Variants in MMP26 observed in about 807,000 individuals in gnomAD.
The protein encoded by MMP26 is matrix metallopeptidase 26.
Under a neutral mutation model 31.0 loss-of-function variants are expected in MMP26, and 33 were observed. That is an observed-to-expected ratio of 1.06 (90% CI 0.81 to 1.42). The LOEUF (loss-of-function observed/expected upper bound fraction) is 1.42. MMP26 is among the 40% of genes most tolerant of loss of function. The pLI, the probability that MMP26 is intolerant of heterozygous loss-of-function variation, is 0.00. For synonymous variants in MMP26, 122 were observed against 114.9 expected, an observed-to-expected ratio of 1.06 and a Z score of -0.40; for missense variants, 347 against 316.1, an observed-to-expected ratio of 1.10 and a Z score of -0.74.
At chr11:4,772,415 C>CTTGTGGAGGG (rs753080417) in intron 2 of MMP26, among the ~76,000 whole-genome samples, 14,430 of 152,178 alleles carry the variant, frequency 0.095, 852 homozygotes, top group Middle Eastern at 0.15. Context: ...ACTTTACACC[C>CTTGTGGAGGG]AGTCTCTAGG....
intron 1 of MMP26, among the ~76,000 whole-genome samples, chr11:4,757,851 T>C (rs1272761755): frequency 6.8e-6 from 1 of 147,634 alleles, no homozygotes. Flanking sequence ...GGAAAAAAAA[T>C]ACCAAGTGTT....
chr11:4,762,642 A>G (rs891247287), intron 1 of MMP26, among the ~76,000 whole-genome samples: 5 of 152,180 alleles, frequency 3.3e-5, no homozygotes, highest in African/African-American at 1.2e-4. Flanking sequence ...AGAGGAAGTG[A>G]AATGTCTGGT....
At position 4,790,381 on chromosome 11, in the gene MMP26, A is replaced by G. The variant is rs927541859; in HGVS notation, c.-145+23040A>G. ...AACAAACAAAAAAAAGCAATTATTA[A>G]ATAGTTTCATTTCAGATTTTGAGGA... is the stretch of plus-strand genomic sequence containing the variant. On this transcript the variant is annotated intron_variant, in intron 2 of 7. Coordinates refer to ENST00000380390, the MANE Select transcript of MMP26 (RefSeq NM_021801.5). Among the ~76,000 whole-genome samples the G allele has an allele frequency of 2.0e-5, 3 of 152,122 alleles. No individual in the cohort carries two copies. The South Asian group carries it at 6.2e-4, about 32-fold the overall frequency.
In MMP26 at chr11:4,980,415, A is replaced by G. The variant is rs117766747; in HGVS notation, c.-144-7653A>G. On this transcript the variant is annotated intron_variant, in intron 2 of 7. Transcript: ENST00000380390. ...CATGTATGTTTTCTTTTGGGGTAAC[A>G]TTACATGAAGGTCTTTTATACAATG... is the stretch of plus-strand genomic sequence containing the variant. Among the ~76,000 whole-genome samples, 116 of 152,268 alleles carry G rather than the reference A, an allele frequency of 7.6e-4. 1 individual carries two copies. In the East Asian group the frequency reaches 0.019, roughly 25 times the overall value.
chr11:4,959,345 C>T (rs1424646905), intron 2 of MMP26, among the ~76,000 whole-genome samples: 1 of 151,796 alleles, frequency 6.6e-6, no homozygotes, highest in Non-Finnish European at 1.5e-5. Context: ...GCCATTATAT[C>T]CACAGTTGTT....
chr11:4,759,050 G>T (rs1187035809), intron 1 of MMP26, among the ~76,000 whole-genome samples: 1 of 139,992 alleles, frequency 7.1e-6, no homozygotes, highest in Non-Finnish European at 1.5e-5. Flanking sequence ...GGCAGAGATT[G>T]CACTGAGCCG....
chr11:4,762,007 C>T (rs1848574434), intron 1 of MMP26, among the ~76,000 whole-genome samples: 1 of 152,008 alleles, frequency 6.6e-6, no homozygotes. Flanking sequence ...AAAGACCTGG[C>T]TTTTCCTCAA....
intron 2 of MMP26, among the ~76,000 whole-genome samples, chr11:4,904,981 G>A (rs78035158): frequency 0.011 from 1,615 of 152,146 alleles, 28 homozygotes; most frequent in Middle Eastern, 0.044. Context: ...AAAGTAGTAC[G>A]TTATAAAACA....
chr11:4,805,670 T>C (rs967745938), intron 2 of MMP26, among the ~76,000 whole-genome samples: 1 of 152,184 alleles, frequency 6.6e-6, no homozygotes, highest in African/African-American at 2.4e-5. Flanking sequence ...TAAATGTCAT[T>C]ATTCAAAGGC....
intron 2 of MMP26, among the ~76,000 whole-genome samples, chr11:4,806,047 A>G (rs909113232): frequency 1.3e-5 from 2 of 152,298 alleles, no homozygotes; most frequent in South Asian, 2.1e-4. Flanking sequence ...CACTAGAAAA[A>G]AAAAAATCCT....
In MMP26 at chr11:4,861,874, A is replaced by G. The variant is rs553285027; in HGVS notation, c.-145+94533A>G. 2.0e-5 allele frequency among the ~76,000 whole-genome samples: 3 copies of G among 152,234 alleles called. No individual in the cohort carries two copies. In the East Asian group the frequency reaches 5.8e-4, roughly 29 times the overall value. ...AGCAAAACTCCTTTAAGGGTTCCCA[A>G]TGTACTTAGAAGAAAGCTCTAAATC... On this transcript the variant is annotated intron_variant, in intron 2 of 7. Coordinates refer to ENST00000380390, the MANE Select transcript of MMP26 (RefSeq NM_021801.5).
intron 2 of MMP26, among the ~76,000 whole-genome samples, chr11:4,969,401 T>G (rs1846636657): frequency 1.3e-5 from 2 of 152,044 alleles, no homozygotes; most frequent in African/African-American, 4.8e-5. Context: ...TAATGAAACT[T>G]AGCCTAACAT....
At chr11:4,746,545 A>C (rs1345686126) in intron 1 of MMP26, among the ~76,000 whole-genome samples, 1 of 152,148 alleles carries the variant, frequency 6.6e-6, no homozygotes, top group Non-Finnish European at 1.5e-5. Flanking sequence ...ATGAATAAGA[A>C]TATAAATTGG....
intron 2 of MMP26, chr11:4,923,976 T>G (rs1851227862): frequency 6.2e-7 from 1 of 1,614,080 alleles, no homozygotes; most frequent in Non-Finnish European, 8.5e-7. Context: ...TAGCGGTCAA[T>G]GGACATGGAT....
At chr11:4,794,667 G>T (rs1331559446) in intron 2 of MMP26, among the ~76,000 whole-genome samples, 3 of 152,054 alleles carry the variant, frequency 2.0e-5, no homozygotes, top group Non-Finnish European at 4.4e-5. Context: ...TAGATAAGGT[G>T]GGCTATTTTG....
chr11:4,966,161 T>A (rs1185817151), intron 2 of MMP26, among the ~76,000 whole-genome samples: 1 of 152,140 alleles, frequency 6.6e-6, no homozygotes, highest in African/African-American at 2.4e-5. Flanking sequence ...TGACAATAGC[T>A]ATGGGGGTGA....
chr11:4,785,145 C>T (rs563773939), intron 2 of MMP26, among the ~76,000 whole-genome samples: 2 of 152,282 alleles, frequency 1.3e-5, no homozygotes, highest in South Asian at 2.1e-4. Flanking sequence ...AGTAAGATAA[C>T]CAACCATCCC....
intron 4 of MMP26, 117 bp downstream of exon 4, chr11:4,989,985 A>G (rs1294255447): frequency 1.9e-5 from 14 of 755,180 alleles, no homozygotes; most frequent in Non-Finnish European, 2.8e-5. Context: ...CAGCCCGCTC[A>G]AAGCCCAAAA....
chr11:4,838,935 C>T (rs1849758218), intron 2 of MMP26, among the ~76,000 whole-genome samples: 1 of 152,234 alleles, frequency 6.6e-6, no homozygotes, highest in African/African-American at 2.4e-5. Context: ...CCGCGCTGCC[C>T]CTGTCATCAG....
Sources: gnomAD v4.1 joint callset for allele counts (sites outside exome capture counted in the v4.1 genomes callset) on GRCh38, gnomAD v4.1.1 for gene constraint, MANE v1.5 for transcripts, NCBI Gene and HGNC (gene_info 2026-07-23, HGNC 2026-07-21) for gene names.